Variants in RSU1 observed in about 807,000 individuals in gnomAD.
RSU1 encodes the protein Ras suppressor protein 1, also known as rsu-1.
Under a neutral mutation model 31.1 loss-of-function variants are expected in RSU1, and 26 were observed. That is an observed-to-expected ratio of 0.84 (90% CI 0.61 to 1.16). The LOEUF (loss-of-function observed/expected upper bound fraction) is 1.16, where lower values mean the gene tolerates loss of function less well. Ranked by LOEUF, RSU1 falls within the 50% of genes most tolerant of loss-of-function variation. RSU1 has a pLI of 0.00. For synonymous variants in RSU1, 164 were observed against 136.3 expected (o/e 1.20, Z -1.41); for missense variants, 320 against 339.1 (o/e 0.94, Z 0.44).
intron 7 of RSU1, among the ~76,000 whole-genome samples, chr10:16,700,450 C>T (rs2131569383): frequency 6.6e-6 from 1 of 152,222 alleles, no homozygotes; most frequent in South Asian, 2.1e-4. Context: ...ATAATAACAG[C>T]TGAAAGATCA....
chr10:16,692,513 C>A (rs972294808), intron 8 of RSU1, among the ~76,000 whole-genome samples: 3 of 152,212 alleles, frequency 2.0e-5, no homozygotes, highest in Middle Eastern at 3.4e-3. Flanking sequence ...TTTCTGTATA[C>A]TATCATATAC....
At chr10:16,782,222 G>T (rs955160348) in intron 2 of RSU1, 138 bp from the exon 3 acceptor site, 2 of 644,064 alleles carry the variant, frequency 3.1e-6, no homozygotes, top group Non-Finnish European at 2.7e-6. Context: ...TAGAAGCTAG[G>T]ATTCATGTAA....
At chr10:16,717,837 A>AC (rs1416946359) in intron 7 of RSU1, among the ~76,000 whole-genome samples, 5 of 151,750 alleles carry the variant, frequency 3.3e-5, no homozygotes, top group Admixed American at 3.3e-4. Context: ...GTCCTAACAC[A>AC]AAAAAAACGC....
In RSU1 at chr10:16,700,670, C is replaced by A. The variant is rs560528563; in HGVS notation, c.599-5515G>T. ...CTGGAAAGTTCCTACTTTTTCACTT[C>A]TTTAGGAACACACTTTACTGAGTGG... On this transcript the variant is annotated intron_variant, in intron 7 of 8. Transcript: ENST00000345264. 2.0e-5 allele frequency among the ~76,000 whole-genome samples: 3 copies of A among 152,286 alleles called. No homozygotes were observed. In the East Asian group the frequency reaches 5.8e-4, roughly 29 times the overall value.
chr10:16,706,880 A>T (rs12251345), intron 7 of RSU1, among the ~76,000 whole-genome samples: 4,176 of 152,064 alleles, frequency 0.027, 184 homozygotes, highest in African/African-American at 0.092. Flanking sequence ...GCACCCTTCC[A>T]TCTCTTCCCG....
At chr10:16,599,708 CG>C (rs1833683724) in intron 8 of RSU1, among the ~76,000 whole-genome samples, 1 of 152,226 alleles carries the variant, frequency 6.6e-6, no homozygotes, top group African/African-American at 2.4e-5. Flanking sequence ...TGACAGCTGC[CG>C]CTTCTAACCT....
chr10:16,653,559 T>C lies in RSU1; in HGVS notation c.731+41464A>G, dbSNP rs552680852. 2.0e-3 allele frequency among the ~76,000 whole-genome samples: 300 copies of C among 152,234 alleles called. 10 individuals are homozygous for C. In the South Asian group the frequency reaches 0.061, roughly 31 times the overall value. ...GAGATTTTTTTTTCTTAAATATTCATTCACTCCTTGGTTGAAAATTCTGCA... is the reference window on the plus strand; with the variant it reads ...GAGATTTTTTTTTCTTAAATATTCACTCACTCCTTGGTTGAAAATTCTGCA... On this transcript the variant is annotated intron_variant, in intron 8 of 8. Coordinates refer to ENST00000345264, the MANE Select transcript of RSU1 (RefSeq NM_012425.4).
At chr10:16,661,358 G>T (rs760326189) in intron 8 of RSU1, among the ~76,000 whole-genome samples, 1 of 149,862 alleles carries the variant, frequency 6.7e-6, no homozygotes, top group Non-Finnish European at 1.5e-5. Flanking sequence ...CATATCAGTT[G>T]AATCTGTAGG....
chr10:16,593,559 G>A (rs1833551590), intron 8 of RSU1, 63 bp from the exon 9 acceptor site: 1 of 1,272,316 alleles, frequency 7.9e-7, no homozygotes, highest in Non-Finnish European at 1.1e-6. Flanking sequence ...GCTTTCACTG[G>A]AAGAGCTTTC....
Position 16,688,522 on chromosome 10 carries a change from T to C in RSU1, c.731+6501A>G, listed in dbSNP as rs894186281. 1.2e-3 allele frequency among the ~76,000 whole-genome samples: 176 copies of C among 152,248 alleles called. 1 individual carries two copies. The highest frequency in any genetic ancestry group is 5.3e-4 in the Non-Finnish European group (36 of 68,018). ...CACTCGGGAGGCTGAGGCAGGAGAA[T>C]GGCGTGAACCCGGAAGGCGGAGCTT... On this transcript the variant is annotated intron_variant, in intron 8 of 8. Transcript: ENST00000345264.
At chr10:16,715,298 T>A (rs984431997) in intron 7 of RSU1, among the ~76,000 whole-genome samples, 1 of 152,350 alleles carries the variant, frequency 6.6e-6, no homozygotes, top group South Asian at 2.1e-4. Context: ...ACAAAATTCT[T>A]AAATTTTCAT....
intron 8 of RSU1, among the ~76,000 whole-genome samples, chr10:16,598,058 C>T (rs1347233455): frequency 6.6e-6 from 1 of 152,196 alleles, no homozygotes; most frequent in African/African-American, 2.4e-5. Context: ...CTCAACTGGG[C>T]AAGTAAGTGT....
At chr10:16,665,706 T>A (rs1200596561) in intron 8 of RSU1, among the ~76,000 whole-genome samples, 1 of 152,222 alleles carries the variant, frequency 6.6e-6, no homozygotes, top group Non-Finnish European at 1.5e-5. Flanking sequence ...AGATATCTTC[T>A]AAACCTATGT....
At chr10:16,596,751 C>G (rs1449395270) in intron 8 of RSU1, among the ~76,000 whole-genome samples, 1 of 152,158 alleles carries the variant, frequency 6.6e-6, no homozygotes, top group Non-Finnish European at 1.5e-5. Context: ...CAGATGGAGT[C>G]TTGCTCTGTC....
chr10:16,760,839 C>G (rs1837198881), intron 4 of RSU1, among the ~76,000 whole-genome samples: 1 of 152,188 alleles, frequency 6.6e-6, no homozygotes, highest in Non-Finnish European at 1.5e-5. Flanking sequence ...CCTCCACCCT[C>G]TTCTCCATAC....
At chr10:16,610,185 A>C (rs565897303) in intron 8 of RSU1, among the ~76,000 whole-genome samples, 1 of 151,912 alleles carries the variant, frequency 6.6e-6, no homozygotes, top group South Asian at 2.1e-4. Flanking sequence ...AACTCTGGTG[A>C]GTATTTTAGA....
chr10:16,653,098 A>G (rs1047030587), intron 8 of RSU1, among the ~76,000 whole-genome samples: 1 of 152,216 alleles, frequency 6.6e-6, no homozygotes, highest in Non-Finnish European at 1.5e-5. Context: ...TAAACTTTGC[A>G]TCACCATTGG....
At chr10:16,649,254 G>A (rs1834634864) in intron 8 of RSU1, among the ~76,000 whole-genome samples, 1 of 152,160 alleles carries the variant, frequency 6.6e-6, no homozygotes, top group Admixed American at 6.5e-5. Context: ...GGCATATTCA[G>A]CATGTATGAA....
At chr10:16,772,172 AG>A (rs1358720894) in intron 3 of RSU1, among the ~76,000 whole-genome samples, 8 of 152,232 alleles carry the variant, frequency 5.3e-5, no homozygotes, top group African/African-American at 1.9e-4. Context: ...TGAAAATTAG[AG>A]GAAAAAAGGC....
Sources: allele counts gnomAD v4.1 joint callset (sites outside exome capture counted in the v4.1 genomes callset), GRCh38; gene constraint gnomAD v4.1.1; transcripts MANE v1.5; gene names NCBI Gene and HGNC (gene_info 2026-07-23, HGNC 2026-07-21).